The following INF2 variants were observed in gnomAD, a reference collection of about 807,000 sequenced individuals.
The protein encoded by INF2 is inverted formin-2.
Under a neutral mutation model 123.5 loss-of-function variants are expected in INF2, and 43 were observed. The observed-to-expected ratio is 0.35, with a 90% confidence interval of 0.27 to 0.45. The LOEUF (loss-of-function observed/expected upper bound fraction) is 0.45. Ranked by LOEUF, INF2 falls within the 20% of genes least tolerant of loss-of-function variation. The pLI is 1.00. For missense variants in INF2, 1,453 were observed against 1,682.7 expected, an observed-to-expected ratio of 0.86 and a Z score of 2.39; for synonymous variants, 851 against 745.0, an observed-to-expected ratio of 1.14 and a Z score of -2.32.
intron 1 of INF2, among the ~76,000 whole-genome samples, chr14:104,695,149 C>A (rs1001070340): frequency 1.3e-5 from 2 of 152,114 alleles, no homozygotes; most frequent in Non-Finnish European, 2.9e-5. Flanking sequence ...ACGTCTGGGG[C>A]CTGCGATAGG....
chr14:104,716,415 C>T (rs944562686), intron 22 of INF2, among the ~76,000 whole-genome samples: 2 of 152,206 alleles, frequency 1.3e-5, no homozygotes, highest in African/African-American at 4.8e-5. Flanking sequence ...GAAGCACCCA[C>T]GTGTACTTTT....
In INF2 at chr14:104,703,203, G is replaced by A. The variant is rs755015990; in HGVS notation, c.490G>A (p.Ala164Thr). The A allele has an allele frequency of 5.0e-6, 8 of 1,613,304 alleles. No homozygotes were observed. Among genetic ancestry groups the A allele is most frequent in the Non-Finnish European group, 6.8e-6 (8 of 1,179,932 alleles). ...SPEGHVLTLDALDHYKTVCSQ... is the reference protein window; with the variant it reads ...SPEGHVLTLDTLDHYKTVCSQ... Reference sequence around the variant, plus strand: ...CGAGGGCCACGTGCTGACCCTGGACGCCCTGGACCACTACAAGGTGGGCGG... The same window carrying A: ...CGAGGGCCACGTGCTGACCCTGGACACCCTGGACCACTACAAGGTGGGCGG... The change falls in exon 3 of 23, where the codon GCC becomes ACC. Residue 164 changes from alanine to threonine, a missense_variant. Ala to Thr is a moderately conservative substitution (Grantham distance 58). This residue lies in a region of INF2 where 251 missense variants were observed against 349.4 expected (regional missense o/e 0.72). Transcript: ENST00000392634.
At chr14:104,700,665 G>C (rs1390850442) in intron 1 of INF2, among the ~76,000 whole-genome samples, 2 of 152,072 alleles carry the variant, frequency 1.3e-5, no homozygotes, top group Admixed American at 6.5e-5. Flanking sequence ...TTACCTACCC[G>C]GGTGTTCCCA....
intron 8 of INF2, chr14:104,708,230 A>G: frequency 1.2e-6 from 1 of 866,222 alleles, no homozygotes; most frequent in South Asian, 1.7e-5. Context: ...CCCGTGAGCC[A>G]GTGCATCTGG....
Position 104,712,490 on chromosome 14 carries a change from G to A in INF2, c.2547G>A (p.Glu849=). The A allele has an allele frequency of 6.2e-7, 1 of 1,612,704 alleles. No homozygotes were observed. ...GCTCCAACCTGAAGAAGCTTCTGGA[G>A]ACCGAGCGGAAGGTGTCTGCCTCCG... ...EASSNLKKLL[E]TERKVSASVA... is the part of the protein sequence containing the mutation. The change falls in exon 17 of 23, where the codon GAG becomes GAA. Residue 849 remains glutamate, a synonymous_variant. Transcript: ENST00000392634.
Position 104,689,635 on chromosome 14 carries a change from G to C in INF2, c.-114G>C, listed in dbSNP as rs1189695006. On this transcript the variant is annotated 5_prime_UTR_variant, in exon 1 of 23. Coordinates refer to ENST00000392634, the MANE Select transcript of INF2 (RefSeq NM_022489.4). ...CCGCGCCCGCCAGGAGCCACCGTCC[G>C]AGCCTTGCGGAGCGCGGCAGTGGGC... The C allele has an allele frequency of 3.0e-5, 25 of 825,160 alleles. No homozygotes were observed. Among genetic ancestry groups the C allele is most frequent in the Non-Finnish European group, 3.6e-5 (25 of 687,650 alleles). The allele number at this position is 825,160 out of a possible 1,614,324, so 51.1% of individuals were successfully genotyped here.
At chr14:104,700,715 A>G (rs1889438284) in intron 1 of INF2, 1 of 385,810 alleles carries the variant, frequency 2.6e-6, no homozygotes, top group Non-Finnish European at 3.5e-6. Flanking sequence ...TCCTGGTAAA[A>G]CCCTGAGTGC....
rs564499884 is a variant in INF2, at chr14:104,710,133, C to T, written c.2184C>T (p.Ala728=). 45 of 1,553,330 alleles carry T rather than the reference C, an allele frequency of 2.9e-5. No homozygotes were observed. Among genetic ancestry groups the T allele is most frequent in the East Asian group, 1.2e-4 (5 of 41,138 alleles). The change falls in exon 13 of 23, where the codon GCC becomes GCT. Residue 728 remains alanine (A), a synonymous_variant. Transcript: ENST00000392634. ...GCATGCTGCTGTGTGAGGGCGCGGC[C>T]GCCGTGCTGGACATGGTGCGGCCCA... ...IECMLLCEGA[A]AVLDMVRPKA...
upstream of INF2, among the ~76,000 whole-genome samples, chr14:104,686,504 A>C (rs56796254): frequency 0.013 from 1,935 of 151,988 alleles, 38 homozygotes; most frequent in African/African-American, 0.043. Context: ...TGGATGGATG[A>C]ATGGGTGAAT....
rs1443134325 is a variant in INF2, at chr14:104,701,136, C to CT, written c.-9-220dup. ...CCTCATGCGCGCAGTAGGGCCCTTC[C>CT]TGCCTGCCGCCTCGGTTGCTGAAAT... On this transcript the variant is annotated intron_variant, in intron 1 of 22. Transcript: ENST00000392634. 5.9e-5 allele frequency among the ~76,000 whole-genome samples: 9 copies of CT among 152,314 alleles called. No homozygotes were observed. The East Asian group carries it at 1.7e-3, about 29-fold the overall frequency.
chr14:104,702,609 T>A (rs1008986454), intron 2 of INF2, among the ~76,000 whole-genome samples: 6 of 152,144 alleles, frequency 3.9e-5, no homozygotes, highest in Middle Eastern at 3.2e-3. Flanking sequence ...CTCGTTTCTG[T>A]CGGACCCAGG....
chr14:104,697,656 C>T (rs1889252786), intron 1 of INF2, among the ~76,000 whole-genome samples: 2 of 152,244 alleles, frequency 1.3e-5, no homozygotes, highest in Admixed American at 1.3e-4. Flanking sequence ...CATCACCACA[C>T]CAGGCTGGCC....
In INF2 at chr14:104,708,767, G is replaced by A. The variant is rs774566401; in HGVS notation, c.1949+35G>A. 1.7e-5 allele frequency: 28 copies of A among 1,606,962 alleles called. No homozygotes were observed. In the African/African-American group the frequency reaches 1.9e-4, roughly 11 times the overall value. On this transcript the variant is annotated intron_variant, in intron 10 of 22. Coordinates refer to ENST00000392634, the MANE Select transcript of INF2 (RefSeq NM_022489.4). ...GGAGGTAGCCCCCATCCCAGGCCACGGAGCCTCGCCTCCACCTGAGCCTTC... is the reference window on the plus strand; with the variant it reads ...GGAGGTAGCCCCCATCCCAGGCCACAGAGCCTCGCCTCCACCTGAGCCTTC...
Position 104,712,948 on chromosome 14 carries a change from A to G in INF2, c.2731A>G (p.Ser911Gly). 6.2e-7 allele frequency: 1 copy of G among 1,612,682 alleles called. No individual in the cohort carries two copies. The highest frequency in any genetic ancestry group is 8.5e-7 in the Non-Finnish European group (1 of 1,179,810). ...GCAGCTGTCCCTGGAGGACACGTTC[A>G]GCACCATGAAGGCTTTCCGGGACCT... ...AQQLSLEDTFSTMKAFRDLFL... is the reference protein window; with the variant it reads ...AQQLSLEDTFGTMKAFRDLFL... The change falls in exon 18 of 23, where the codon AGC becomes GGC. Residue 911 changes from serine (S) to glycine (G), a missense_variant. Ser to Gly is a moderately conservative substitution (Grantham distance 56). Transcript: ENST00000392634.
At chr14:104,714,162 G>T in intron 20 of INF2, 41 bp from the exon 21 acceptor site, 1 of 1,451,628 alleles carries the variant, frequency 6.9e-7, no homozygotes, top group East Asian at 2.5e-5. Context: ...CTGGCTCGGG[G>T]GCAGGGTGCC....
In INF2 at chr14:104,707,316, C is replaced by A. The variant is rs146529868; in HGVS notation, c.1049C>A (p.Pro350Gln). The change falls in exon 8 of 23, where the codon CCG (proline) becomes CAG (glutamine). Residue 350 changes from proline (P) to glutamine (Q), a missense_variant. By Grantham distance (76) the Pro-to-Gln change is moderately conservative. Coordinates refer to ENST00000392634, the MANE Select transcript of INF2 (RefSeq NM_022489.4). ...CTGTCTGTCAAGGGGCGACCCAGAC[C>A]GAGCCCCCTGGTCAAGGCCCATAAA... ...RLLSVKGRPR[P>Q]SPLVKAHKSV... is the part of the protein sequence containing the mutation. 4.4e-6 allele frequency: 7 copies of A among 1,606,068 alleles called. No homozygotes were observed. The highest frequency in any genetic ancestry group is 5.9e-6 in the Non-Finnish European group (7 of 1,177,164).
chr14:104,718,332 G>C lies in INF2; in HGVS notation c.*2-463G>C, dbSNP rs532933236. Among the ~76,000 whole-genome samples the C allele has an allele frequency of 3.5e-3, 536 of 152,354 alleles. 2 individuals are homozygous for C. Among genetic ancestry groups the C allele is most frequent in the African/African-American group, 0.012 (512 of 41,594 alleles). ...GGGGCCATGTGTGGGGGCCGTCTGG[G>C]TGGCGGGAGCTGTTGGGGCAGGGCT... On this transcript the variant is annotated intron_variant, in intron 22 of 22. Coordinates refer to ENST00000392634, the MANE Select transcript of INF2 (RefSeq NM_022489.4).
intron 22 of INF2, among the ~76,000 whole-genome samples, chr14:104,718,365 C>T (rs997813470): frequency 1.3e-5 from 2 of 152,212 alleles, no homozygotes; most frequent in African/African-American, 4.8e-5. Flanking sequence ...GCTGAGCGCC[C>T]TCAGCAGCCC....
intron 1 of INF2, among the ~76,000 whole-genome samples, chr14:104,682,406 A>G (rs2140567898): frequency 6.6e-6 from 1 of 152,316 alleles, no homozygotes; most frequent in East Asian, 1.9e-4. Flanking sequence ...GCCTGGGGCT[A>G]AGCAAAGCCA....
Sources: gnomAD v4.1 joint callset for allele counts (sites outside exome capture counted in the v4.1 genomes callset) on GRCh38, gnomAD v4.1.1 for gene constraint, gnomAD v4.1.1 regional missense constraint, MANE v1.5 for transcripts, NCBI Gene and HGNC (gene_info 2026-07-23, HGNC 2026-07-21) for gene names.